The following FAM81B variants were observed in gnomAD, a reference collection of about 807,000 sequenced individuals.
FAM81B encodes the protein family with sequence similarity 81 member B.
A neutral mutation model predicts 58.7 loss-of-function variants in FAM81B; 60 were observed. The ratio of observed to expected loss-of-function variants is 1.02; its 90% CI spans 0.83 to 1.27. The LOEUF (loss-of-function observed/expected upper bound fraction) is 1.27, where lower values mean the gene tolerates loss of function less well. Ranked by LOEUF, FAM81B falls within the 50% of genes most tolerant of loss-of-function variation. FAM81B has a pLI of 0.00. For missense variants in FAM81B, 491 were observed against 522.0 expected (o/e 0.94, Z 0.58); for synonymous variants, 189 against 179.6 (o/e 1.05, Z -0.42).
intron 3 of FAM81B, among the ~76,000 whole-genome samples, chr5:95,403,376 G>A (rs1016769126): frequency 2.4e-4 from 36 of 152,320 alleles, no homozygotes; most frequent in African/African-American, 7.9e-4. Context: ...GTAAATGTGT[G>A]TATGGACTAG....
chr5:95,428,265 G>A lies in FAM81B; in HGVS notation c.657-338G>A, dbSNP rs773025461. Among the ~76,000 whole-genome samples the A allele has an allele frequency of 3.9e-5, 6 of 152,128 alleles. No individual in the cohort carries two copies. The South Asian group carries it at 6.2e-4, about 16-fold the overall frequency. On this transcript the variant is annotated intron_variant, in intron 5 of 9. Coordinates refer to ENST00000283357, the MANE Select transcript of FAM81B (RefSeq NM_152548.3). ...ATTTTGCCTAACCATAGGCAGCAGCGTATATTTCCAAAACATCAAAATTTG... is the reference window on the plus strand; with the variant it reads ...ATTTTGCCTAACCATAGGCAGCAGCATATATTTCCAAAACATCAAAATTTG...
At chr5:95,426,976 G>C (rs1762857730) in intron 5 of FAM81B, among the ~76,000 whole-genome samples, 1 of 152,200 alleles carries the variant, frequency 6.6e-6, no homozygotes, top group South Asian at 2.1e-4. Context: ...GTGAACCTGG[G>C]AGGCGGAGCT....
At position 95,423,933 on chromosome 5, in the gene FAM81B, G is replaced by A. The variant is rs192832950; in HGVS notation, c.656+3531G>A. On this transcript the variant is annotated intron_variant, in intron 5 of 9. Coordinates refer to ENST00000283357, the MANE Select transcript of FAM81B (RefSeq NM_152548.3). ...ATCAAGCAGCATTACTTAGAGGCTC[G>A]GGTGGGTCATCGGAGAAAGACAACA... 7.6e-5 allele frequency: 81 copies of A among 1,060,518 alleles called. No individual in the cohort carries two copies. The Middle Eastern group carries it at 1.5e-3, about 20-fold the overall frequency. The allele number at this position is 1,060,518 out of a possible 1,614,324, so 65.7% of individuals were successfully genotyped here.
chr5:95,392,956 T>G lies in FAM81B; in HGVS notation c.228+59T>G. 5 of 1,412,528 alleles carry G rather than the reference T, an allele frequency of 3.5e-6. No individual in the cohort carries two copies. The South Asian group carries it at 4.0e-5, about 11-fold the overall frequency. 87.5% of individuals were successfully genotyped at this position (1,412,528 alleles called of 1,614,324 possible). On this transcript the variant is annotated intron_variant, in intron 2 of 9. Transcript: ENST00000283357. Reference sequence around the variant, plus strand: ...AATACTTTGCTCAGCTTCTTTAAAGTTTAGAGTGCTTAGAGAGTTTAAGAA... The same window carrying G: ...AATACTTTGCTCAGCTTCTTTAAAGGTTAGAGTGCTTAGAGAGTTTAAGAA...
At chr5:95,412,575 CA>C (rs1396194189) in intron 3 of FAM81B, among the ~76,000 whole-genome samples, 4 of 152,074 alleles carry the variant, frequency 2.6e-5, no homozygotes, top group African/African-American at 9.7e-5. Flanking sequence ...AATTTTTCAC[CA>C]TATGCATTGG....
At chr5:95,433,400 A>G (rs1172719335) in intron 6 of FAM81B, among the ~76,000 whole-genome samples, 2 of 152,128 alleles carry the variant, frequency 1.3e-5, no homozygotes, top group Non-Finnish European at 2.9e-5. Flanking sequence ...AATTGCCCCC[A>G]TGATTCAATT....
intron 6 of FAM81B, among the ~76,000 whole-genome samples, 195 bp from the exon 7 acceptor site, chr5:95,436,605 A>G (rs1274412605): frequency 6.6e-6 from 1 of 152,242 alleles, no homozygotes; most frequent in Admixed American, 6.5e-5. Flanking sequence ...CCTTGAAGAT[A>G]GTGTAACTGT....
At chr5:95,446,115 A>G (rs1173175647) in intron 7 of FAM81B, among the ~76,000 whole-genome samples, 1 of 152,238 alleles carries the variant, frequency 6.6e-6, no homozygotes, top group Non-Finnish European at 1.5e-5. Flanking sequence ...AACAGAGACT[A>G]TATGGCCCAC....
At chr5:95,400,401 CACATACATACAT>C (rs754629589) in intron 3 of FAM81B, among the ~76,000 whole-genome samples, 27 of 147,584 alleles carry the variant, frequency 1.8e-4, no homozygotes, top group Middle Eastern at 3.4e-3. Flanking sequence ...CAGCCACCTT[CACATACATACAT>C]ACATACATAC....
intron 3 of FAM81B, among the ~76,000 whole-genome samples, chr5:95,399,321 G>T (rs1762045850): frequency 6.6e-6 from 1 of 152,188 alleles, no homozygotes; most frequent in Non-Finnish European, 1.5e-5. Flanking sequence ...CATTGCTTTT[G>T]TTACTACATG....
chr5:95,407,111 A>G (rs1762268029), intron 3 of FAM81B, among the ~76,000 whole-genome samples: 1 of 152,088 alleles, frequency 6.6e-6, no homozygotes, highest in African/African-American at 2.4e-5. Context: ...TGAGTCCCAC[A>G]GAATCCCCCA....
At chr5:95,441,011 T>TC (rs1424436858) in intron 7 of FAM81B, among the ~76,000 whole-genome samples, 1 of 152,088 alleles carries the variant, frequency 6.6e-6, no homozygotes, top group African/African-American at 2.4e-5. Context: ...TGGCAGGGAA[T>TC]CCAGGAGCAA....
intron 3 of FAM81B, among the ~76,000 whole-genome samples, chr5:95,404,170 G>A (rs1359028022): frequency 6.6e-6 from 1 of 152,180 alleles, no homozygotes; most frequent in East Asian, 1.9e-4. Context: ...CAAATCTGCA[G>A]TCCACCACTA....
rs552143661 is a variant in FAM81B, at chr5:95,426,906, A to G, written c.657-1697A>G. Among the ~76,000 whole-genome samples, 301 of 152,246 alleles carry G rather than the reference A, an allele frequency of 2.0e-3. 1 individual carries two copies. Among genetic ancestry groups the G allele is most frequent in the Non-Finnish European group, 2.8e-3 (193 of 68,006 alleles). On this transcript the variant is annotated intron_variant, in intron 5 of 9. Coordinates refer to ENST00000283357, the MANE Select transcript of FAM81B (RefSeq NM_152548.3). Reference sequence around the variant, plus strand: ...TACTAAAAATACAAAAAAATTAGCCAGGCGTGGTGGCGCATGCCTGTAGTC... The same window carrying G: ...TACTAAAAATACAAAAAAATTAGCCGGGCGTGGTGGCGCATGCCTGTAGTC...
chr5:95,435,337 A>G (rs1209059753), intron 6 of FAM81B, among the ~76,000 whole-genome samples: 1 of 151,840 alleles, frequency 6.6e-6, no homozygotes, highest in East Asian at 1.9e-4. Context: ...TTCCTTATTA[A>G]CTTCTAGTTT....
At chr5:95,442,015 A>G (rs540387712) in intron 7 of FAM81B, among the ~76,000 whole-genome samples, 2 of 152,380 alleles carry the variant, frequency 1.3e-5, no homozygotes, top group East Asian at 3.9e-4. Context: ...GTGTTTGGTC[A>G]ATGAAGCAAA....
intron 2 of FAM81B, among the ~76,000 whole-genome samples, chr5:95,394,846 T>A (rs1233005505): frequency 2.6e-5 from 4 of 152,158 alleles, no homozygotes; most frequent in African/African-American, 9.7e-5. Context: ...CACATTTTTT[T>A]AAGGTTTTTT....
rs190284805 is a variant in FAM81B, at chr5:95,436,718, G to A, written c.787-82G>A. 6.5e-3 allele frequency: 5,938 copies of A among 910,958 alleles called. 73 individuals are homozygous for A. Among genetic ancestry groups the A allele is most frequent in the South Asian group, 0.035 (2,543 of 72,182 alleles). The allele number at this position is 910,958 out of a possible 1,614,324, so 56.4% of individuals were successfully genotyped here. A position where few individuals can be genotyped will look rare whatever the true frequency, so the allele number is the denominator to read the frequency against. On this transcript the variant is annotated intron_variant, in intron 6 of 9. Coordinates refer to ENST00000283357, the MANE Select transcript of FAM81B (RefSeq NM_152548.3). ...AATAAAGTATATTAATCTGTTTCCCGGCTCCTTAAAGGAATAAAGTATATT... is the reference window on the plus strand; with the variant it reads ...AATAAAGTATATTAATCTGTTTCCCAGCTCCTTAAAGGAATAAAGTATATT...
intron 3 of FAM81B, among the ~76,000 whole-genome samples, chr5:95,404,652 G>A (rs1762199478): frequency 6.6e-6 from 1 of 152,084 alleles, no homozygotes; most frequent in Admixed American, 6.5e-5. Flanking sequence ...AGCCTTAAGG[G>A]AACAGTCCAG....
Sources: gnomAD v4.1 joint callset for allele counts (sites outside exome capture counted in the v4.1 genomes callset) on GRCh38, gnomAD v4.1.1 for gene constraint, MANE v1.5 for transcripts, NCBI Gene and HGNC (gene_info 2026-07-23, HGNC 2026-07-21) for gene names.